The following SRPK2 variants were observed in gnomAD, a reference collection of about 807,000 sequenced individuals.
SRPK2 encodes SRSF protein kinase 2, also known as SFRS protein kinase 2.
Under a neutral mutation model 90.8 loss-of-function variants are expected in SRPK2, and 21 were observed. That is an observed-to-expected ratio of 0.23 (90% confidence interval 0.16 to 0.33). SRPK2 has a LOEUF of 0.33. Ranked by LOEUF, SRPK2 falls within the 10% of genes least tolerant of loss-of-function variation. The pLI is 1.00. For synonymous variants in SRPK2, 288 were observed against 311.1 expected, an observed-to-expected ratio of 0.93 and a Z score of 0.78; for missense variants, 620 against 869.0, an observed-to-expected ratio of 0.71 and a Z score of 3.60.
chr7:105,159,557 G>A (rs569296172), intron 7 of SRPK2, among the ~76,000 whole-genome samples: 1 of 150,958 alleles, frequency 6.6e-6, no homozygotes, highest in South Asian at 2.1e-4. Flanking sequence ...TATCAAAGAT[G>A]CTTTTACTAC....
intron 3 of SRPK2, among the ~76,000 whole-genome samples, chr7:105,178,627 T>C (rs1792317149): frequency 6.6e-6 from 1 of 152,030 alleles, no homozygotes; most frequent in Non-Finnish European, 1.5e-5. Flanking sequence ...GAGACTAGCC[T>C]GGGCAAAAGA....
chr7:105,368,140 T>C (rs1819287749), intron 2 of SRPK2, among the ~76,000 whole-genome samples: 2 of 152,316 alleles, frequency 1.3e-5, no homozygotes, highest in Admixed American at 6.5e-5. Context: ...GGGTGTTAGT[T>C]ACTATAAAGA....
At chr7:105,192,932 G>A (rs2129606074) in intron 3 of SRPK2, among the ~76,000 whole-genome samples, 1 of 152,108 alleles carries the variant, frequency 6.6e-6, no homozygotes, top group South Asian at 2.1e-4. Context: ...GTAGTTTCTG[G>A]ATATTAGTCC....
intron 2 of SRPK2, among the ~76,000 whole-genome samples, chr7:105,254,545 T>G (rs549634962): frequency 6.6e-6 from 1 of 152,228 alleles, no homozygotes; most frequent in Admixed American, 6.5e-5. Flanking sequence ...CAGATGATTA[T>G]TTAATAACAT....
intron 2 of SRPK2, among the ~76,000 whole-genome samples, chr7:105,259,866 A>G (rs549988273): frequency 6.6e-6 from 1 of 152,326 alleles, no homozygotes; most frequent in East Asian, 1.9e-4. Context: ...CCTTCCCTAC[A>G]CCATATACAA....
chr7:105,153,144 ACT>A (rs970695692), intron 7 of SRPK2, among the ~76,000 whole-genome samples: 7 of 152,066 alleles, frequency 4.6e-5, no homozygotes, highest in Non-Finnish European at 7.4e-5. Context: ...CAGGGACGTG[ACT>A]CTCAATCATC....
intron 3 of SRPK2, among the ~76,000 whole-genome samples, chr7:105,170,867 GAAA>G (rs1563025340): frequency 6.2e-5 from 6 of 96,014 alleles, no homozygotes; most frequent in Non-Finnish European, 1.1e-4. Context: ...AAGAAAGAAA[GAAA>G]GAAAGAAAGA....
Position 105,146,408 on chromosome 7 carries a change from G to A in SRPK2, c.787+85C>T, listed in dbSNP as rs561827465. ...TTCCAAAATCTTCCTTATGTGTAAC[G>A]TTTGATTCAGATACCTTCAACAACT... On this transcript the variant is annotated intron_variant, in intron 8 of 15. Coordinates refer to ENST00000393651, the MANE Select transcript of SRPK2 (RefSeq NM_182692.3). The A allele has an allele frequency of 1.3e-4, 186 of 1,421,868 alleles. No homozygotes were observed. The African/African-American group carries it at 2.3e-3, about 18-fold the overall frequency. The allele number at this position is 1,421,868 out of a possible 1,614,324, so 88.1% of individuals were successfully genotyped here.
chr7:105,391,395 G>A (rs1354477826), upstream of SRPK2, among the ~76,000 whole-genome samples: 1 of 152,078 alleles, frequency 6.6e-6, no homozygotes, highest in African/African-American at 2.4e-5. Context: ...AGTAGATCTG[G>A]GGTTTCTCCA....
chr7:105,199,472 T>C (rs1375242527), intron 3 of SRPK2, among the ~76,000 whole-genome samples: 1 of 152,200 alleles, frequency 6.6e-6, no homozygotes, highest in Non-Finnish European at 1.5e-5. Flanking sequence ...CTTCCCATCC[T>C]GGACCATTAA....
chr7:105,313,995 T>C (rs1290971477), intron 2 of SRPK2, among the ~76,000 whole-genome samples: 2 of 152,188 alleles, frequency 1.3e-5, no homozygotes, highest in African/African-American at 4.8e-5. Context: ...CTATTTGTTT[T>C]AACTGCATTA....
Position 105,203,681 on chromosome 7 carries a change from T to C in SRPK2, c.176A>G (p.Glu59Gly). The C allele has an allele frequency of 1.3e-6, 2 of 1,568,536 alleles. No homozygotes were observed. Among genetic ancestry groups the C allele is most frequent in the Non-Finnish European group, 1.7e-6 (2 of 1,161,218 alleles). Residue 59 changes from glutamate (E) to glycine (G), a missense_variant, in exon 3 of 16, where the codon GAG becomes GGG. By Grantham distance (98) the Glu-to-Gly change is moderately conservative. Transcript: ENST00000393651. ...CTCCTCATCATCTGATCCCAGGATCTCCTCCTCTGGCTCCGGGGGTGTGGG... is the reference window on the plus strand; with the variant it reads ...CTCCTCATCATCTGATCCCAGGATCCCCTCCTCTGGCTCCGGGGGTGTGGG... ...PDPTPPEPEE[E>G]ILGSDDEEQE...
chr7:105,369,272 G>A (rs1299984263), intron 2 of SRPK2, among the ~76,000 whole-genome samples: 3 of 151,788 alleles, frequency 2.0e-5, no homozygotes, highest in Non-Finnish European at 2.9e-5. Flanking sequence ...TCAGCCTCCC[G>A]AGTAGCTGAG....
chr7:105,221,545 CCCAACCATACCTATTTGCCAAGG>C (rs1798096248), intron 2 of SRPK2, among the ~76,000 whole-genome samples: 2 of 152,130 alleles, frequency 1.3e-5, no homozygotes, highest in Admixed American at 1.3e-4. Context: ...CTACTTTGGC[CCCAACCATACCTATTTGCCAAGG>C]TCAGCATCAC....
chr7:105,118,900 G>A (rs952939087), intron 15 of SRPK2, among the ~76,000 whole-genome samples: 13 of 152,160 alleles, frequency 8.5e-5, no homozygotes, highest in Non-Finnish European at 1.2e-4. Context: ...CAGAGCAAGC[G>A]AAACCCTGTC....
At position 105,182,017 on chromosome 7, in the gene SRPK2, T is replaced by A. The variant is rs536687532; in HGVS notation, c.230-12752A>T. 1.3e-4 allele frequency among the ~76,000 whole-genome samples: 20 copies of A among 150,802 alleles called. No individual in the cohort carries two copies. In the South Asian group the frequency reaches 3.4e-3, roughly 25 times the overall value. ...GCCAAGGCGGGTGGATCACTTGAGG[T>A]CAGGAGTTCAAGACCAGCCTGGCCA... On this transcript the variant is annotated intron_variant, in intron 3 of 15. Coordinates refer to ENST00000393651, the MANE Select transcript of SRPK2 (RefSeq NM_182692.3).
intron 2 of SRPK2, among the ~76,000 whole-genome samples, chr7:105,310,103 C>T (rs902056897): frequency 3.3e-5 from 5 of 152,250 alleles, no homozygotes; most frequent in Non-Finnish European, 5.9e-5. Context: ...ACAGAGGCGC[C>T]AGGCTGCAGC....
At chr7:105,152,241 C>T (rs1311452785) in intron 7 of SRPK2, among the ~76,000 whole-genome samples, 3 of 152,034 alleles carry the variant, frequency 2.0e-5, no homozygotes, top group South Asian at 4.1e-4. Context: ...CCTCCACCTA[C>T]TGGGTTCAAG....
upstream of SRPK2, among the ~76,000 whole-genome samples, chr7:105,392,053 A>G (rs1822196351): frequency 6.6e-6 from 1 of 152,220 alleles, no homozygotes; most frequent in Admixed American, 6.5e-5. Context: ...ACATGCTACA[A>G]TGTGGATGAA....
Sources: allele counts gnomAD v4.1 joint callset (sites outside exome capture counted in the v4.1 genomes callset), GRCh38; gene constraint gnomAD v4.1.1; transcripts MANE v1.5; gene names NCBI Gene and HGNC (gene_info 2026-07-23, HGNC 2026-07-21).